GMPR: variants seen among roughly 807,000 people sequenced by gnomAD.
GMPR encodes the protein guanosine monophosphate reductase, also known as GMP reductase 1.
In GMPR, 31 loss-of-function variants were observed where a neutral mutation model predicts 38.4. The ratio of observed to expected loss-of-function variants is 0.81; its 90% CI spans 0.61 to 1.09. GMPR has a LOEUF of 1.09. Ranked by LOEUF, GMPR falls within the 50% of genes least tolerant of loss-of-function variation. GMPR has a pLI of 0.00. For synonymous variants in GMPR, 162 were observed against 173.3 expected (o/e 0.93, Z 0.51); for missense variants, 468 against 453.7 (o/e 1.03, Z -0.29).
At chr6:16,257,706 G>A (rs1759007184) in intron 4 of GMPR, among the ~76,000 whole-genome samples, 1 of 152,218 alleles carries the variant, frequency 6.6e-6, no homozygotes, top group African/African-American at 2.4e-5. Flanking sequence ...GGCTGATTTA[G>A]TGTCTAGTTT....
chr6:16,275,044 C>T (rs1198326824), intron 5 of GMPR, among the ~76,000 whole-genome samples: 2 of 152,140 alleles, frequency 1.3e-5, no homozygotes, highest in Non-Finnish European at 2.9e-5. Flanking sequence ...TAGGACCACC[C>T]ATTGGCATCT....
chr6:16,266,841 C>T (rs1184426291), intron 4 of GMPR, among the ~76,000 whole-genome samples: 1 of 151,768 alleles, frequency 6.6e-6, no homozygotes, highest in Non-Finnish European at 1.5e-5. Flanking sequence ...AAGGTCGTGG[C>T]TTCACTCCTG....
chr6:16,287,924 A>C (rs1759719978), intron 7 of GMPR, among the ~76,000 whole-genome samples: 1 of 152,260 alleles, frequency 6.6e-6, no homozygotes, highest in African/African-American at 2.4e-5. Flanking sequence ...TGAAGGCATC[A>C]GGGCCACTTT....
chr6:16,266,118 GAGCTGTAACACTTGCCA>G (rs1759207120), intron 4 of GMPR, among the ~76,000 whole-genome samples: 1 of 59,940 alleles, frequency 1.7e-5, no homozygotes, highest in Non-Finnish European at 2.7e-5. Flanking sequence ...CCATCTTTAA[GAGCTGTAACACTTGCCA>G]TCTTTAAGAG....
At chr6:16,263,368 T>A (rs932427822) in intron 4 of GMPR, 3 of 151,778 alleles carry the variant, frequency 2.0e-5, no homozygotes, top group African/African-American at 7.3e-5. Flanking sequence ...CAGAAGAAAA[T>A]AAGATGCTTA....
chr6:16,266,321 A>T (rs930826006), intron 4 of GMPR, among the ~76,000 whole-genome samples: 5 of 151,334 alleles, frequency 3.3e-5, no homozygotes, highest in African/African-American at 1.2e-4. Context: ...ACGAGGAGGA[A>T]CGAACAACTC....
At chr6:16,243,926 C>T (rs529327364) in intron 1 of GMPR, among the ~76,000 whole-genome samples, 1 of 152,280 alleles carries the variant, frequency 6.6e-6, no homozygotes, top group South Asian at 2.1e-4. Context: ...GGCAGTTGTT[C>T]ATGGAAAAGT....
At chr6:16,238,805 TG>T in intron 1 of GMPR, 25 bp downstream of exon 1, 1 of 1,345,046 alleles carries the variant, frequency 7.4e-7, no homozygotes, top group Non-Finnish European at 1.0e-6. Flanking sequence ...GAAGTCGCAG[TG>T]GGGTGGGATT....
At chr6:16,278,322 C>T (rs193261432) in intron 5 of GMPR, among the ~76,000 whole-genome samples, 75 of 152,140 alleles carry the variant, frequency 4.9e-4, no homozygotes, top group African/African-American at 1.8e-3. Flanking sequence ...ACAGGCCGGG[C>T]AGTGAGGCTT....
intron 4 of GMPR, among the ~76,000 whole-genome samples, chr6:16,273,055 G>C (rs1054386953): frequency 5.9e-5 from 9 of 152,114 alleles, no homozygotes; most frequent in African/African-American, 2.2e-4. Flanking sequence ...TGAATTTGGG[G>C]AGTATAACTT....
At chr6:16,288,684 A>C (rs1759751530) in intron 7 of GMPR, among the ~76,000 whole-genome samples, 1 of 152,218 alleles carries the variant, frequency 6.6e-6, no homozygotes, top group African/African-American at 2.4e-5. Flanking sequence ...CTGCAGCCCC[A>C]GTGCGGATCC....
Position 16,278,813 on chromosome 6 carries a change from G to C in GMPR, c.577G>C (p.Gly193Arg). ...TGTGTGCACCACCCGCACCAAGACG[G>C]GAGTGGGGTACCCCCAGCTGAGTGC... ...GSVCTTRTKTGVGYPQLSAVI... is the reference protein window; with the variant it reads ...GSVCTTRTKTRVGYPQLSAVI... The change falls in exon 6 of 9, where the codon GGA (glycine) becomes CGA (arginine). Residue 193 changes from glycine to arginine, a missense_variant. By Grantham distance (125) the Gly-to-Arg change is moderately radical. Coordinates refer to ENST00000259727, the MANE Select transcript of GMPR (RefSeq NM_006877.4). 6.2e-7 allele frequency: 1 copy of C among 1,614,050 alleles called. No homozygotes were observed. The highest frequency in any genetic ancestry group is 8.5e-7 in the Non-Finnish European group (1 of 1,179,856).
At chr6:16,290,368 A>G in intron 7 of GMPR, 94 bp from the exon 8 acceptor site, 1 of 1,060,968 alleles carries the variant, frequency 9.4e-7, no homozygotes, top group Non-Finnish European at 1.4e-6. Context: ...GCGGGGAGGG[A>G]GGTGAACTGG....
At chr6:16,289,181 A>G (rs1239857113) in intron 7 of GMPR, among the ~76,000 whole-genome samples, 1 of 152,070 alleles carries the variant, frequency 6.6e-6, no homozygotes, top group Non-Finnish European at 1.5e-5. Context: ...TTCATTTTTG[A>G]GCTAGCGCAG....
At chr6:16,251,670 C>T (rs1758878215) in intron 3 of GMPR, among the ~76,000 whole-genome samples, 1 of 152,068 alleles carries the variant, frequency 6.6e-6, no homozygotes, top group African/African-American at 2.4e-5. Flanking sequence ...AGATTAGTGG[C>T]CTGAGGGGCT....
At chr6:16,255,402 T>C (rs566809955) in intron 4 of GMPR, among the ~76,000 whole-genome samples, 15 of 152,324 alleles carry the variant, frequency 9.8e-5, no homozygotes, top group Non-Finnish European at 2.1e-4. Flanking sequence ...GAGTGTCACA[T>C]ATGTAGGTCC....
Position 16,289,847 on chromosome 6 carries a change from A to ATTTTTTTTTTTTTTTTT in GMPR, c.698-615_698-614insTTTTTTTTTTTTTTTTT, listed in dbSNP as rs1438743321. 25 of 90,100 alleles carry ATTTTTTTTTTTTTTTTT rather than the reference A, an allele frequency of 2.8e-4. 1 individual carries two copies. The highest frequency in any genetic ancestry group is 4.2e-4 in the Non-Finnish European group (20 of 48,158). 5.6% of individuals were successfully genotyped at this position (90,100 alleles called of 1,614,324 possible). A position where few individuals can be genotyped will look rare whatever the true frequency, so the allele number is the denominator to read the frequency against. Reference sequence around the variant, plus strand: ...TAACTTGCTTTCTAAGATACTGCCCAATTTTTTTTTTTTTTTTTTTTTTTT... The same window carrying ATTTTTTTTTTTTTTTTT: ...TAACTTGCTTTCTAAGATACTGCCCATTTTTTTTTTTTTTTTTATTTTTTTTTTTTTTTTTTTTTTTT... On this transcript the variant is annotated intron_variant, in intron 7 of 8. Coordinates refer to ENST00000259727, the MANE Select transcript of GMPR (RefSeq NM_006877.4).
chr6:16,254,481 G>A, intron 3 of GMPR, 81 bp from the exon 4 acceptor site: 1 of 1,219,960 alleles, frequency 8.2e-7, no homozygotes, highest in Non-Finnish European at 1.2e-6. Context: ...TACTGTCCCA[G>A]AATAGGTGCA....
At chr6:16,293,016 G>GTCTCTC (rs58570071) in intron 8 of GMPR, among the ~76,000 whole-genome samples, 13 of 149,806 alleles carry the variant, frequency 8.7e-5, no homozygotes, top group African/African-American at 1.7e-4. Flanking sequence ...CTCTGTCTGA[G>GTCTCTC]TCTCTCTCTC....
Sources: allele counts gnomAD v4.1 joint callset (sites outside exome capture counted in the v4.1 genomes callset), GRCh38; gene constraint gnomAD v4.1.1; transcripts MANE v1.5; gene names NCBI Gene and HGNC (gene_info 2026-07-23, HGNC 2026-07-21).